PPP1R9A: variants seen among roughly 807,000 people sequenced by gnomAD.
PPP1R9A encodes the protein neurabin-1.
In PPP1R9A, 59 loss-of-function variants were observed where a neutral mutation model predicts 141.9. The ratio of observed to expected loss-of-function variants is 0.42; its 90% CI spans 0.34 to 0.52. PPP1R9A has a LOEUF of 0.52. Ranked by LOEUF, PPP1R9A falls within the 20% of genes least tolerant of loss-of-function variation. PPP1R9A has a pLI of 0.10. For missense variants in PPP1R9A, 1,444 were observed against 1,611.9 expected (o/e 0.90, Z 1.78); for synonymous variants, 500 against 569.7 (o/e 0.88, Z 1.74).
At chr7:95,251,493 T>G (rs144584375) in intron 10 of PPP1R9A, among the ~76,000 whole-genome samples, 2,265 of 152,330 alleles carry the variant, frequency 0.015, 38 homozygotes, top group Non-Finnish European at 0.019. Flanking sequence ...AGTGCAGTCT[T>G]TCCTATCTAA....
In PPP1R9A at chr7:95,010,916, T is replaced by A. The variant is rs936582723; in HGVS notation, c.1395+99408T>A. 2.0e-5 allele frequency among the ~76,000 whole-genome samples: 3 copies of A among 152,162 alleles called. No homozygotes were observed. In the East Asian group the frequency reaches 5.8e-4, roughly 29 times the overall value. On this transcript the variant is annotated intron_variant, in intron 2 of 19. Coordinates refer to ENST00000433360, the MANE Select transcript of PPP1R9A (RefSeq NM_001166160.2). ...GCAGATGTTACTGTTCATAAAGATA[T>A]ACAAGTACCACTGATGTTGGTATTG...
intron 2 of PPP1R9A, among the ~76,000 whole-genome samples, chr7:94,991,389 G>T (rs1801490436): frequency 1.3e-5 from 2 of 151,912 alleles, no homozygotes; most frequent in Admixed American, 1.3e-4. Flanking sequence ...CTTTTTGTTT[G>T]TTTTTCTGTT....
At chr7:94,911,577 T>C (rs1357590215) in intron 2 of PPP1R9A, 69 bp downstream of exon 2, 21 of 1,240,446 alleles carry the variant, frequency 1.7e-5, no homozygotes, top group Non-Finnish European at 2.3e-5. Context: ...GTATGTAGAA[T>C]AGACTTGACA....
intron 2 of PPP1R9A, among the ~76,000 whole-genome samples, chr7:95,019,662 A>G (rs373664299): frequency 2.9e-4 from 44 of 152,346 alleles, no homozygotes; most frequent in Middle Eastern, 3.4e-3. Context: ...TGATTAGCAT[A>G]GGTTGTTATC....
chr7:95,243,680 GT>G lies in PPP1R9A; in HGVS notation c.2113-3789del, dbSNP rs558947821. ...ACAGAGGTAGGAAGAGTCAAATCTGGTTTTGTTTCCGCTCCATCACCTGTTT... is the reference window on the plus strand; with the variant it reads ...ACAGAGGTAGGAAGAGTCAAATCTGGTTTGTTTCCGCTCCATCACCTGTTT... On this transcript the variant is annotated intron_variant, in intron 8 of 19. Coordinates refer to ENST00000433360, the MANE Select transcript of PPP1R9A (RefSeq NM_001166160.2). Among the ~76,000 whole-genome samples, 650 of 152,192 alleles carry G rather than the reference GT, an allele frequency of 4.3e-3. 3 individuals are homozygous for G. Among genetic ancestry groups the G allele is most frequent in the Middle Eastern group, 6.8e-3 (2 of 294 alleles).
Position 94,970,692 on chromosome 7 carries a change from G to A in PPP1R9A, c.1395+59184G>A, listed in dbSNP as rs796196665. ...TCTCTGTTGCCCAGGCTGGAGTGCA[G>A]TGGTGCGATTTCAGCATATTGCAAC... On this transcript the variant is annotated intron_variant, in intron 2 of 19. Transcript: ENST00000433360. Among the ~76,000 whole-genome samples, 83 of 148,160 alleles carry A rather than the reference G, an allele frequency of 5.6e-4. 1 individual carries two copies. Among genetic ancestry groups the A allele is most frequent in the African/African-American group, 2.0e-3 (81 of 39,912 alleles).
intron 2 of PPP1R9A, among the ~76,000 whole-genome samples, chr7:95,031,789 A>G (rs1193162684): frequency 1.3e-5 from 2 of 152,006 alleles, no homozygotes; most frequent in Non-Finnish European, 2.9e-5. Flanking sequence ...AGAAAAGTCA[A>G]TATAGAACCT....
intron 16 of PPP1R9A, among the ~76,000 whole-genome samples, chr7:95,282,214 C>T (rs1433673867): frequency 2.1e-5 from 3 of 143,940 alleles, no homozygotes; most frequent in Non-Finnish European, 4.5e-5. Flanking sequence ...GCCTATAAGT[C>T]CTAGCTACTC....
chr7:94,956,680 C>A (rs575311270), intron 2 of PPP1R9A, among the ~76,000 whole-genome samples: 14 of 152,108 alleles, frequency 9.2e-5, no homozygotes, highest in African/African-American at 3.1e-4. Flanking sequence ...TGCACTCCAG[C>A]CTGGGCAACA....
intron 12 of PPP1R9A, among the ~76,000 whole-genome samples, chr7:95,262,100 A>C (rs1243282590): frequency 1.3e-5 from 2 of 152,166 alleles, no homozygotes; most frequent in Non-Finnish European, 2.9e-5. Flanking sequence ...ATATCCATAG[A>C]TTTTGATTGA....
rs758501238 is a variant in PPP1R9A at position 94,942,354 on chromosome 7, C to G, written c.1395+30846C>G. 7.6e-4 allele frequency among the ~76,000 whole-genome samples: 115 copies of G among 152,138 alleles called. 1 individual carries two copies. The highest frequency in any genetic ancestry group is 1.5e-3 in the Non-Finnish European group (99 of 68,028). ...TGAACTTGTCTAGGAATAAGTCAAC[C>G]CTATCAATGAAAAGATCATGATTTT... On this transcript the variant is annotated intron_variant, in intron 2 of 19. Coordinates refer to ENST00000433360, the MANE Select transcript of PPP1R9A (RefSeq NM_001166160.2).
intron 2 of PPP1R9A, among the ~76,000 whole-genome samples, chr7:95,023,540 G>C (rs759466593): frequency 1.3e-5 from 2 of 151,418 alleles, no homozygotes; most frequent in Non-Finnish European, 2.9e-5. Context: ...TTATTTGCCC[G>C]TTGCTTTTCT....
At chr7:95,016,486 G>A (rs1240320180) in intron 2 of PPP1R9A, among the ~76,000 whole-genome samples, 4 of 151,966 alleles carry the variant, frequency 2.6e-5, no homozygotes, top group Non-Finnish European at 1.5e-5. Flanking sequence ...TAAATCAAAT[G>A]TAATAATATA....
intron 2 of PPP1R9A, among the ~76,000 whole-genome samples, chr7:94,942,718 C>T (rs1795465834): frequency 6.6e-6 from 1 of 151,920 alleles, no homozygotes; most frequent in Non-Finnish European, 1.5e-5. Flanking sequence ...GCAGGGGAAT[C>T]ACTTGAACCT....
intron 1 of PPP1R9A, among the ~76,000 whole-genome samples, chr7:94,909,382 T>G (rs1272570644): frequency 1.3e-5 from 2 of 152,162 alleles, no homozygotes; most frequent in Non-Finnish European, 2.9e-5. Flanking sequence ...ATGAGAACAT[T>G]GGACCAAAAA....
rs892680427 is a variant in PPP1R9A, at chr7:95,294,097, C to A, written c.*3794C>A. Reference sequence around the variant, plus strand: ...GCAGTGGTCACTAGGGTTCACGTCACCTACTTAATGCAAAGACCTTAGTGG... The same window carrying A: ...GCAGTGGTCACTAGGGTTCACGTCAACTACTTAATGCAAAGACCTTAGTGG... On this transcript the variant is annotated 3_prime_UTR_variant, in exon 20 of 20. Coordinates refer to ENST00000433360, the MANE Select transcript of PPP1R9A (RefSeq NM_001166160.2). 6.6e-6 allele frequency: 1 copy of A among 152,060 alleles called. No individual in the cohort carries two copies. Among genetic ancestry groups the A allele is most frequent in the African/African-American group, 2.4e-5 (1 of 41,384 alleles). The allele number at this position is 152,060 out of a possible 1,614,324, so 9.4% of individuals were successfully genotyped here.
chr7:95,186,006 G>A (rs1216508310), intron 5 of PPP1R9A, among the ~76,000 whole-genome samples: 1 of 149,554 alleles, frequency 6.7e-6, no homozygotes, highest in East Asian at 2.0e-4. Context: ...GGCTATGCAG[G>A]CTCTTTTTTT....
chr7:95,229,159 C>A (rs917423169), intron 8 of PPP1R9A, among the ~76,000 whole-genome samples: 4 of 151,960 alleles, frequency 2.6e-5, no homozygotes, highest in Non-Finnish European at 5.9e-5. Context: ...GGGAGAACTG[C>A]TGCAGCTTCT....
intron 2 of PPP1R9A, among the ~76,000 whole-genome samples, chr7:94,976,706 A>G (rs1261964345): frequency 6.6e-6 from 1 of 152,156 alleles, no homozygotes; most frequent in Non-Finnish European, 1.5e-5. Context: ...GGCTGTTTTA[A>G]CTTCAGCCTC....
Sources: allele counts gnomAD v4.1 joint callset (sites outside exome capture counted in the v4.1 genomes callset), GRCh38; gene constraint gnomAD v4.1.1; transcripts MANE v1.5; gene names NCBI Gene and HGNC (gene_info 2026-07-23, HGNC 2026-07-21).